Variants in PCDH9 observed in about 807,000 individuals in gnomAD.
The protein encoded by PCDH9 is protocadherin 9.
In PCDH9, 24 loss-of-function variants were observed where a neutral mutation model predicts 70.6. That is an observed-to-expected ratio of 0.34 (90% CI 0.25 to 0.48). The LOEUF (loss-of-function observed/expected upper bound fraction) is 0.48. Ranked by LOEUF, PCDH9 falls within the 20% of genes least tolerant of loss-of-function variation. The pLI, the probability that PCDH9 is intolerant of heterozygous loss-of-function variation, is 0.99. For missense variants in PCDH9, 1,281 were observed against 1,503.6 expected, an observed-to-expected ratio of 0.85 and a Z score of 2.45; for synonymous variants, 562 against 558.5, an observed-to-expected ratio of 1.01 and a Z score of -0.09.
intron 4 of PCDH9, among the ~76,000 whole-genome samples, chr13:66,607,526 C>A (rs897395717): frequency 6.6e-6 from 1 of 151,964 alleles, no homozygotes; most frequent in Admixed American, 6.6e-5. Flanking sequence ...CCTTCTAGGG[C>A]AAAAATTACT....
intron 3 of PCDH9, among the ~76,000 whole-genome samples, chr13:66,868,586 T>C (rs911435121): frequency 2.6e-5 from 4 of 152,112 alleles, no homozygotes; most frequent in Admixed American, 6.6e-5. Context: ...ACTATTTATC[T>C]GTCATCATGT....
intron 2 of PCDH9, among the ~76,000 whole-genome samples, chr13:67,102,241 C>T (rs2086449666): frequency 6.6e-6 from 1 of 152,050 alleles, no homozygotes; most frequent in South Asian, 2.1e-4. Flanking sequence ...TTAACAGTTT[C>T]TGGACAAAAA....
intron 2 of PCDH9, among the ~76,000 whole-genome samples, chr13:67,122,848 G>T (rs2086903769): frequency 6.6e-6 from 1 of 151,220 alleles, no homozygotes; most frequent in Non-Finnish European, 1.5e-5. Flanking sequence ...ATACCAAACA[G>T]TTTTCCAGGG....
chr13:66,581,145 A>C (rs781028631), intron 4 of PCDH9, among the ~76,000 whole-genome samples: 30 of 152,164 alleles, frequency 2.0e-4, no homozygotes, highest in Non-Finnish European at 3.4e-4. Flanking sequence ...ACAAATAGAA[A>C]CCATGAAATG....
chr13:66,902,748 G>A (rs1000256453), intron 3 of PCDH9, among the ~76,000 whole-genome samples: 1 of 151,270 alleles, frequency 6.6e-6, no homozygotes, highest in African/African-American at 2.4e-5. Flanking sequence ...TAGTTAACAC[G>A]ACTGAACTCT....
intron 2 of PCDH9, among the ~76,000 whole-genome samples, chr13:67,018,527 G>A (rs1341089902): frequency 1.3e-5 from 2 of 150,476 alleles, no homozygotes; most frequent in East Asian, 2.0e-4. Context: ...GCTGAGAGAG[G>A]AGAATTGCTT....
intron 3 of PCDH9, among the ~76,000 whole-genome samples, chr13:66,845,014 G>C (rs1265673099): frequency 6.6e-6 from 1 of 152,026 alleles, no homozygotes; most frequent in East Asian, 1.9e-4. Flanking sequence ...GTTTCAGAGG[G>C]GAAAAGTGTA....
chr13:66,649,025 C>T (rs111636210), intron 3 of PCDH9, among the ~76,000 whole-genome samples: 1,601 of 151,784 alleles, frequency 0.011, 31 homozygotes, highest in African/African-American at 0.036. Context: ...AGACAAAAAA[C>T]GAATGAATAA....
chr13:66,517,767 T>C (rs1312962189), intron 4 of PCDH9, among the ~76,000 whole-genome samples: 3 of 152,312 alleles, frequency 2.0e-5, no homozygotes, highest in Non-Finnish European at 4.4e-5. Flanking sequence ...TCCATACTTT[T>C]AATAAACAAT....
intron 4 of PCDH9, among the ~76,000 whole-genome samples, chr13:66,332,211 T>C (rs1168180826): frequency 6.6e-6 from 1 of 152,018 alleles, no homozygotes; most frequent in East Asian, 1.9e-4. Context: ...TAAGTAACTT[T>C]CCACTATGAA....
At chr13:66,999,878 T>C (rs1307259121) in intron 2 of PCDH9, among the ~76,000 whole-genome samples, 2 of 152,174 alleles carry the variant, frequency 1.3e-5, no homozygotes, top group East Asian at 3.9e-4. Context: ...CACTACACTG[T>C]TGGTGGGACT....
intron 2 of PCDH9, among the ~76,000 whole-genome samples, chr13:67,036,404 C>T (rs565957797): frequency 7.4e-4 from 113 of 152,252 alleles, no homozygotes; most frequent in Non-Finnish European, 1.3e-3. Flanking sequence ...GTCAACACTG[C>T]AATCAATAGC....
chr13:66,461,525 C>A (rs767857902), intron 4 of PCDH9, among the ~76,000 whole-genome samples: 4 of 149,696 alleles, frequency 2.7e-5, no homozygotes, highest in Non-Finnish European at 5.9e-5. Flanking sequence ...TAAAAAAAAA[C>A]TGTGTCCATA....
chr13:66,326,691 C>A (rs1237487089), intron 4 of PCDH9, among the ~76,000 whole-genome samples: 1 of 152,120 alleles, frequency 6.6e-6, no homozygotes, highest in Non-Finnish European at 1.5e-5. Flanking sequence ...CCTGGGATTA[C>A]AGGTGTGAGC....
At chr13:66,559,565 C>G (rs868789109) in intron 4 of PCDH9, among the ~76,000 whole-genome samples, 15 of 152,008 alleles carry the variant, frequency 9.9e-5, no homozygotes, top group African/African-American at 2.2e-4. Context: ...CTTCGGGAAG[C>G]TGAGGTGGGT....
intron 2 of PCDH9, among the ~76,000 whole-genome samples, chr13:66,952,056 A>G (rs2083191082): frequency 6.6e-6 from 1 of 152,188 alleles, no homozygotes; most frequent in Non-Finnish European, 1.5e-5. Context: ...TGGTAACTAT[A>G]CAAGTCGTTT....
chr13:66,777,716 C>G (rs1339806147), intron 3 of PCDH9, among the ~76,000 whole-genome samples: 1 of 152,200 alleles, frequency 6.6e-6, no homozygotes, highest in Non-Finnish European at 1.5e-5. Flanking sequence ...TTGTGGAAGT[C>G]AGTGTGGCGA....
At chr13:67,042,458 G>T (rs2139910619) in intron 2 of PCDH9, among the ~76,000 whole-genome samples, 1 of 151,954 alleles carries the variant, frequency 6.6e-6, no homozygotes, top group South Asian at 2.1e-4. Context: ...AGGAGAAAAA[G>T]AATATAAAAC....
At chr13:66,833,776 TA>T (rs2080968345) in intron 3 of PCDH9, among the ~76,000 whole-genome samples, 4 of 152,222 alleles carry the variant, frequency 2.6e-5, no homozygotes, top group Non-Finnish European at 5.9e-5. Flanking sequence ...ATATGATCAT[TA>T]GTTTCCAGAT....
Sources: gnomAD v4.1 joint callset for allele counts (sites outside exome capture counted in the v4.1 genomes callset) on GRCh38, gnomAD v4.1.1 for gene constraint, MANE v1.5 for transcripts, NCBI Gene and HGNC (gene_info 2026-07-23, HGNC 2026-07-21) for gene names.